The following GRM3 variants were observed in gnomAD, a reference collection of about 807,000 sequenced individuals.
GRM3 encodes glutamate metabotropic receptor 3.
GRM3 carries 26 observed loss-of-function variants against 70.5 expected under a neutral mutation model. The ratio of observed to expected loss-of-function variants is 0.37; its 90% CI spans 0.27 to 0.51. The LOEUF is 0.51. Ranked by LOEUF, GRM3 falls within the 20% of genes least tolerant of loss-of-function variation. GRM3 has a pLI of 0.93. For missense variants in GRM3, 859 were observed against 1,123.8 expected, an observed-to-expected ratio of 0.76 and a Z score of 3.37; for synonymous variants, 443 against 434.9, an observed-to-expected ratio of 1.02 and a Z score of -0.23.
intron 1 of GRM3, among the ~76,000 whole-genome samples, chr7:86,718,704 G>C (rs1442054489): frequency 6.6e-6 from 1 of 151,928 alleles, no homozygotes; most frequent in African/African-American, 2.4e-5. Context: ...GAACACCCGG[G>C]TGACAGTAGC....
intron 1 of GRM3, among the ~76,000 whole-genome samples, chr7:86,685,401 A>G (rs1205983073): frequency 6.6e-6 from 1 of 152,196 alleles, no homozygotes; most frequent in Admixed American, 6.5e-5. Context: ...ATTAGAAAAA[A>G]CAGAAAAGCA....
At chr7:86,801,064 CTTTTTTTT>C (rs67046105) in intron 3 of GRM3, among the ~76,000 whole-genome samples, 4 of 86,824 alleles carry the variant, frequency 4.6e-5, no homozygotes, top group Non-Finnish European at 8.4e-5. Context: ...CAAACTTCTT[CTTTTTTTT>C]TTTTTTTTTT....
chr7:86,673,274 G>A (rs1794218671), intron 1 of GRM3, among the ~76,000 whole-genome samples: 1 of 152,040 alleles, frequency 6.6e-6, no homozygotes, highest in African/African-American at 2.4e-5. Context: ...CTTATTTGTG[G>A]GGGAAGTAAG....
At chr7:86,787,319 G>C (rs114049474) in intron 3 of GRM3, among the ~76,000 whole-genome samples, 1 of 152,134 alleles carries the variant, frequency 6.6e-6, no homozygotes, top group African/African-American at 2.4e-5. Context: ...GCTGGTACAC[G>C]ACATGGCAAT....
chr7:86,702,483 A>G (rs1224979748), intron 1 of GRM3, among the ~76,000 whole-genome samples: 1 of 152,018 alleles, frequency 6.6e-6, no homozygotes, highest in East Asian at 1.9e-4. Context: ...TCAAGAATCT[A>G]AGATTCTAAA....
At chr7:86,759,190 TC>T (rs1259762964) in intron 1 of GRM3, among the ~76,000 whole-genome samples, 1 of 152,126 alleles carries the variant, frequency 6.6e-6, no homozygotes, top group Non-Finnish European at 1.5e-5. Flanking sequence ...TGTTTTCCAT[TC>T]CTCCTAACCC....
At chr7:86,747,446 C>A (rs994107195) in intron 1 of GRM3, among the ~76,000 whole-genome samples, 1 of 152,066 alleles carries the variant, frequency 6.6e-6, no homozygotes, top group African/African-American at 2.4e-5. Flanking sequence ...GTTACATGGG[C>A]AATGGTGATA....
chr7:86,857,347 G>A (rs1322853062), intron 5 of GRM3, among the ~76,000 whole-genome samples: 2 of 152,088 alleles, frequency 1.3e-5, no homozygotes, highest in African/African-American at 4.8e-5. Context: ...AGAACAGAGA[G>A]GCATTATAAG....
At chr7:86,781,972 A>G (rs1797076171) in intron 2 of GRM3, among the ~76,000 whole-genome samples, 1 of 151,924 alleles carries the variant, frequency 6.6e-6, no homozygotes, top group Admixed American at 6.6e-5. Context: ...CCAGGCTGCA[A>G]CTCTTCCTTA....
intron 1 of GRM3, among the ~76,000 whole-genome samples, chr7:86,708,799 C>A (rs1795117876): frequency 6.6e-6 from 1 of 152,000 alleles, no homozygotes; most frequent in South Asian, 2.1e-4. Flanking sequence ...CTGAGGCTGG[C>A]CAGAGTCTAG....
At chr7:86,745,479 G>A (rs746529951) in intron 1 of GRM3, among the ~76,000 whole-genome samples, 2 of 151,994 alleles carry the variant, frequency 1.3e-5, no homozygotes, top group East Asian at 1.9e-4. Flanking sequence ...AATCTTCCCC[G>A]GTCACCTTCA....
At chr7:86,679,227 T>C (rs78991649) in intron 1 of GRM3, among the ~76,000 whole-genome samples, 2,576 of 152,148 alleles carry the variant, frequency 0.017, 46 homozygotes, top group Non-Finnish European at 0.025. Context: ...GATGAATTTG[T>C]AGAAGGAAAT....
chr7:86,819,377 T>C (rs1457582247), intron 3 of GRM3, among the ~76,000 whole-genome samples: 1 of 152,130 alleles, frequency 6.6e-6, no homozygotes, highest in Non-Finnish European at 1.5e-5. Flanking sequence ...TTCCAATTGA[T>C]GTCCTAAAAC....
chr7:86,845,301 AACAGC>A (rs1373613724), intron 4 of GRM3, among the ~76,000 whole-genome samples: 4 of 152,182 alleles, frequency 2.6e-5, no homozygotes, highest in Admixed American at 1.3e-4. Context: ...TCAAATATAC[AACAGC>A]ATGGTGCTGT....
chr7:86,732,560 A>T (rs1795759362), intron 1 of GRM3, among the ~76,000 whole-genome samples: 1 of 152,214 alleles, frequency 6.6e-6, no homozygotes, highest in Admixed American at 6.5e-5. Flanking sequence ...AACAGCTAAT[A>T]TTTTTGAGCA....
chr7:86,708,774 C>G (rs1162941377), intron 1 of GRM3, among the ~76,000 whole-genome samples: 2 of 152,072 alleles, frequency 1.3e-5, no homozygotes, highest in African/African-American at 4.8e-5. Flanking sequence ...GAGAGCCCTC[C>G]TGACCAGAAC....
At chr7:86,803,763 T>G (rs930335808) in intron 3 of GRM3, among the ~76,000 whole-genome samples, 1 of 152,022 alleles carries the variant, frequency 6.6e-6, no homozygotes, top group Non-Finnish European at 1.5e-5. Context: ...GGTGTTTGTT[T>G]GTTTGTTTGT....
intron 3 of GRM3, among the ~76,000 whole-genome samples, chr7:86,820,960 C>T (rs1248306087): frequency 6.6e-6 from 1 of 152,056 alleles, no homozygotes; most frequent in Non-Finnish European, 1.5e-5. Flanking sequence ...ACTTCAAAGC[C>T]AAAAATATGT....
At chr7:86,704,721 T>C (rs1278061437) in intron 1 of GRM3, among the ~76,000 whole-genome samples, 1 of 151,936 alleles carries the variant, frequency 6.6e-6, no homozygotes, top group Non-Finnish European at 1.5e-5. Context: ...CTTGAAAGAC[T>C]GAAAAACCTA....
Sources: gnomAD v4.1 joint callset for allele counts (sites outside exome capture counted in the v4.1 genomes callset) on GRCh38, gnomAD v4.1.1 for gene constraint, MANE v1.5 for transcripts, NCBI Gene and HGNC (gene_info 2026-07-23, HGNC 2026-07-21) for gene names.